Variants in TNS1 observed in about 807,000 individuals in gnomAD.
TNS1 encodes the protein tensin-1.
In TNS1, 62 loss-of-function variants were observed where a neutral mutation model predicts 168.6. The observed-to-expected ratio is 0.37, with a 90% confidence interval of 0.30 to 0.45. TNS1 has a LOEUF of 0.45. TNS1 is among the 20% of genes least tolerant of loss of function. TNS1 has a pLI of 1.00. For synonymous variants in TNS1, 934 were observed against 933.2 expected (o/e 1.00, Z -0.02); for missense variants, 2,240 against 2,339.4 (o/e 0.96, Z 0.88).
intron 18 of TNS1, among the ~76,000 whole-genome samples, chr2:217,853,643 G>A (rs1001429079): frequency 6.6e-6 from 1 of 152,298 alleles, no homozygotes; most frequent in Middle Eastern, 3.4e-3. Context: ...TGGCCCCACT[G>A]TCTTTGTCTG....
intron 1 of TNS1, among the ~76,000 whole-genome samples, chr2:217,994,600 G>A (rs1429711523): frequency 6.6e-6 from 1 of 152,204 alleles, no homozygotes. Context: ...AGTTGGGGCA[G>A]CAGAGTCTCC....
At chr2:217,949,291 C>T (rs968587307) in intron 3 of TNS1, among the ~76,000 whole-genome samples, 2 of 152,228 alleles carry the variant, frequency 1.3e-5, no homozygotes, top group Admixed American at 6.5e-5. Flanking sequence ...CACACAAACC[C>T]CTGTCTCCCC....
rs1165032068 is a variant in TNS1 at position 217,848,508 on chromosome 2, T to A, written c.2009A>T (p.Asp670Val). The change falls in exon 19 of 33, where the codon GAC (aspartate) becomes GTC (valine). Residue 670 changes from aspartate to valine, a missense_variant. Coordinates refer to ENST00000682258, the MANE Select transcript of TNS1 (RefSeq NM_001387777.1). ...EALSPLTNGL[D>V]KSYPMEPMVN... is the part of the protein sequence containing the mutation. ...CATAGGCTCCATGGGGTAGGACTTG[T>A]CCAGACCGTTGGTCAGTGGGGACAG... is the stretch of plus-strand genomic sequence containing the variant. The A allele has an allele frequency of 1.2e-6, 2 of 1,613,604 alleles. No homozygotes were observed. The highest frequency in any genetic ancestry group is 1.7e-6 in the Non-Finnish European group (2 of 1,179,652).
At chr2:217,891,819 T>C (rs1024238867) in intron 11 of TNS1, among the ~76,000 whole-genome samples, 1 of 152,170 alleles carries the variant, frequency 6.6e-6, no homozygotes, top group Non-Finnish European at 1.5e-5. Context: ...TCTCTCAGTG[T>C]GCAGGGCACA....
intron 7 of TNS1, among the ~76,000 whole-genome samples, chr2:217,899,724 C>T (rs1406418564): frequency 6.6e-6 from 1 of 152,198 alleles, no homozygotes; most frequent in Non-Finnish European, 1.5e-5. Context: ...CAGAACAGTG[C>T]CACCAGCCGG....
chr2:217,824,213 T>G (rs936160256), intron 22 of TNS1, among the ~76,000 whole-genome samples: 4 of 152,180 alleles, frequency 2.6e-5, no homozygotes, highest in Admixed American at 6.5e-5. Flanking sequence ...GCTGCCACAG[T>G]GTGCTGACCC....
chr2:217,983,694 C>T (rs1016434734), intron 2 of TNS1, among the ~76,000 whole-genome samples: 4 of 152,162 alleles, frequency 2.6e-5, no homozygotes, highest in Non-Finnish European at 5.9e-5. Context: ...CACCTGACCC[C>T]GGCGATAACC....
intron 3 of TNS1, among the ~76,000 whole-genome samples, chr2:217,922,617 A>C (rs538919478): frequency 6.6e-6 from 1 of 152,352 alleles, no homozygotes; most frequent in African/African-American, 2.4e-5. Flanking sequence ...TTGAACCAGC[A>C]GCAGAAGAGA....
chr2:217,811,772 G>A (rs1199485255), intron 28 of TNS1, among the ~76,000 whole-genome samples: 8 of 152,172 alleles, frequency 5.3e-5, no homozygotes, highest in Non-Finnish European at 7.3e-5. Context: ...TAGCCCTGCC[G>A]TCTCACTCAA....
intron 8 of TNS1, among the ~76,000 whole-genome samples, chr2:217,896,496 A>ACCAATCCAAGGAAT (rs1952316892): frequency 6.6e-6 from 1 of 152,216 alleles, no homozygotes; most frequent in Non-Finnish European, 1.5e-5. Context: ...GATTGGAGTG[A>ACCAATCCAAGGAAT]TGCGCTACAA....
intron 21 of TNS1, among the ~76,000 whole-genome samples, chr2:217,831,875 G>A (rs538245904): frequency 2.7e-4 from 41 of 151,724 alleles, no homozygotes; most frequent in African/African-American, 4.8e-4. Flanking sequence ...TACCACACAC[G>A]CAGGCTTTTG....
At chr2:217,810,938 C>T (rs954126024) in intron 28 of TNS1, among the ~76,000 whole-genome samples, 4 of 150,808 alleles carry the variant, frequency 2.7e-5, no homozygotes, top group African/African-American at 9.8e-5. Context: ...AGTGCAGTGG[C>T]ATGATCACAG....
intron 2 of TNS1, among the ~76,000 whole-genome samples, chr2:217,985,087 CTCA>C (rs1958161484): frequency 6.7e-6 from 1 of 148,256 alleles, no homozygotes; most frequent in Non-Finnish European, 1.5e-5. Context: ...TTTTTTTTAG[CTCA>C]TCAGCTATGG....
At chr2:217,871,567 T>G (rs374658857) in intron 18 of TNS1, among the ~76,000 whole-genome samples, 13 of 152,332 alleles carry the variant, frequency 8.5e-5, no homozygotes, top group African/African-American at 3.1e-4. Flanking sequence ...CACGTCTTAC[T>G]CAAAAGTTCA....
intron 18 of TNS1, among the ~76,000 whole-genome samples, chr2:217,873,728 G>A (rs1267285141): frequency 2.0e-5 from 3 of 152,178 alleles, no homozygotes; most frequent in Non-Finnish European, 4.4e-5. Flanking sequence ...AACAGCGAAT[G>A]AAAGACTTTT....
At chr2:217,842,423 C>T (rs992467010) in intron 19 of TNS1, among the ~76,000 whole-genome samples, 3 of 152,190 alleles carry the variant, frequency 2.0e-5, no homozygotes, top group Non-Finnish European at 4.4e-5. Flanking sequence ...GTTGCTCAGG[C>T]CCCAGACCTA....
chr2:217,853,083 C>A (rs1280427316), intron 18 of TNS1, among the ~76,000 whole-genome samples: 1 of 152,116 alleles, frequency 6.6e-6, no homozygotes, highest in African/African-American at 2.4e-5. Context: ...CACTCCGGCA[C>A]ACACACTCTC....
At chr2:218,023,130 C>G (rs1392447977) in intron 1 of TNS1, among the ~76,000 whole-genome samples, 1 of 152,202 alleles carries the variant, frequency 6.6e-6, no homozygotes, top group Non-Finnish European at 1.5e-5. Flanking sequence ...TGACCTCTTG[C>G]TACCAAGGGA....
chr2:217,858,030 G>A (rs111232738), intron 18 of TNS1, among the ~76,000 whole-genome samples: 2,349 of 152,258 alleles, frequency 0.015, 57 homozygotes, highest in African/African-American at 0.052. Context: ...ACAGGAGGCC[G>A]GTGGGGAATG....
Sources: gnomAD v4.1 joint callset for allele counts (sites outside exome capture counted in the v4.1 genomes callset) on GRCh38, gnomAD v4.1.1 for gene constraint, MANE v1.5 for transcripts, NCBI Gene and HGNC (gene_info 2026-07-23, HGNC 2026-07-21) for gene names.